Variants in MTFR1 observed in about 807,000 individuals in gnomAD.
MTFR1 encodes the protein chondrocyte protein with a poly-proline region.
In MTFR1, 28 loss-of-function variants were observed where a neutral mutation model predicts 38.8. The observed-to-expected ratio is 0.72, with a 90% confidence interval of 0.53 to 0.99. The LOEUF (loss-of-function observed/expected upper bound fraction) is 0.99. Ranked by LOEUF, MTFR1 falls within the 50% of genes least tolerant of loss-of-function variation. MTFR1 has a pLI of 0.00. For missense variants in MTFR1, 358 were observed against 395.5 expected, an observed-to-expected ratio of 0.91 and a Z score of 0.81; for synonymous variants, 145 against 137.0, an observed-to-expected ratio of 1.06 and a Z score of -0.41.
At chr8:65,747,615 C>T (rs1208386846) in intron 3 of MTFR1, 1 of 1,417,710 alleles carries the variant, frequency 7.1e-7, no homozygotes, top group Non-Finnish European at 9.8e-7. Context: ...GTAAACTTAT[C>T]AAAAAATTAA....
At position 65,719,541 on chromosome 8, in the gene MTFR1, C is replaced by CT. The variant is rs758110712; in HGVS notation, c.*48+61dup. The CT allele has an allele frequency of 7.2e-6, 9 of 1,250,728 alleles. No individual in the cohort carries two copies. In the African/African-American group the frequency reaches 1.0e-4, roughly 14 times the overall value. The allele number at this position is 1,250,728 out of a possible 1,614,324, so 77.5% of individuals were successfully genotyped here. On this transcript the variant is annotated intron_variant, in intron 3 of 3. Coordinates refer to the MTFR1 transcript ENST00000521247. Reference sequence around the variant, plus strand: ...AGTTATTAACATATATGCTGAAACTCTATCTTTAAAACATCATCTATACAA... The same window carrying CT: ...AGTTATTAACATATATGCTGAAACTCTTATCTTTAAAACATCATCTATACAA...
chr8:65,682,832 T>C lies in MTFR1; in HGVS notation c.165+381T>C, dbSNP rs1338123853. 1.7e-5 allele frequency: 17 copies of C among 985,136 alleles called. No homozygotes were observed. In the South Asian group the frequency reaches 7.5e-4, roughly 44 times the overall value. The allele number at this position is 985,136 out of a possible 1,614,324, so 61.0% of individuals were successfully genotyped here. On this transcript the variant is annotated intron_variant, in intron 3 of 7. Transcript: ENST00000262146. ...TTGGATAGCCACTCTGTTCCCCTGC[T>C]TTATTTTTAGATCTCTGTGGATGCC...
intron 1 of MTFR1, among the ~76,000 whole-genome samples, chr8:65,663,722 A>G (rs185604262): frequency 1.1e-4 from 16 of 150,298 alleles, no homozygotes; most frequent in Non-Finnish European, 1.6e-4. Flanking sequence ...AATTGGTCCA[A>G]TTACCTTGGG....
intron 4 of MTFR1, among the ~76,000 whole-genome samples, chr8:65,696,618 C>T (rs2129056965): frequency 6.6e-6 from 1 of 152,232 alleles, no homozygotes; most frequent in South Asian, 2.1e-4. Flanking sequence ...ACTATTTTAT[C>T]ATTTAAAGAA....
intron 3 of MTFR1, chr8:65,724,752 A>G: frequency 6.3e-7 from 1 of 1,575,494 alleles, no homozygotes; most frequent in South Asian, 1.2e-5. Flanking sequence ...TCCTAGAAAT[A>G]GAATGTTTCC....
chr8:65,730,295 C>T (rs1806823422), intron 3 of MTFR1, among the ~76,000 whole-genome samples: 1 of 146,198 alleles, frequency 6.8e-6, no homozygotes, highest in Admixed American at 7.2e-5. Flanking sequence ...ATTCTTCTGC[C>T]TCAGCCTCCC....
At chr8:65,656,435 G>A (rs1809272371) in intron 1 of MTFR1, among the ~76,000 whole-genome samples, 1 of 151,650 alleles carries the variant, frequency 6.6e-6, no homozygotes, top group Non-Finnish European at 1.5e-5. Context: ...CTGAGTTCAA[G>A]AGATCTTTAT....
intron 3 of MTFR1, chr8:65,689,733 C>T (rs1805215461): frequency 2.6e-6 from 1 of 378,440 alleles, no homozygotes; most frequent in African/African-American, 2.2e-5. Context: ...GTGCATTGTC[C>T]TGGAAATTGT....
rs897803333 is a variant in MTFR1 at position 65,704,987 on chromosome 8, T to C, written c.517+58T>C. The C allele has an allele frequency of 2.1e-6, 3 of 1,396,170 alleles. No individual in the cohort carries two copies. In the African/African-American group the frequency reaches 4.3e-5, roughly 20 times the overall value. 86.5% of individuals were successfully genotyped at this position (1,396,170 alleles called of 1,614,324 possible). A position where few individuals can be genotyped will look rare whatever the true frequency, so the allele number is the denominator to read the frequency against. ...TGCAAACTAGAAGTTAGGAGAATGC[T>C]ACTTACTTTAAAATCAATTAGTAAC... is the stretch of plus-strand genomic sequence containing the variant. On this transcript the variant is annotated intron_variant, in intron 5 of 7. Transcript: ENST00000262146.
intron 3 of MTFR1, among the ~76,000 whole-genome samples, chr8:65,752,575 A>T (rs563995400): frequency 6.6e-5 from 10 of 152,142 alleles, no homozygotes; most frequent in Non-Finnish European, 1.2e-4. Context: ...GGCCGCCCAC[A>T]GAATTCTTTC....
Position 65,671,876 on chromosome 8 carries a change from GTAAAGCATCTAGCAC to G in MTFR1, c.66+1859_66+1873del. 3.3e-5 allele frequency among the ~76,000 whole-genome samples: 5 copies of G among 152,328 alleles called. 1 individual carries two copies. Among genetic ancestry groups the G allele is most frequent in the Admixed American group, 3.3e-4 (5 of 15,304 alleles). On this transcript the variant is annotated intron_variant, in intron 2 of 7. Transcript: ENST00000262146. ...ACCTGTGGATTAAATGACAGAGTAT[GTAAAGCATCTAGCAC>G]AGTGGCTTGTACAGTGTAGATACAT...
chr8:65,758,403 G>A (rs902472946), intron 3 of MTFR1, among the ~76,000 whole-genome samples: 3 of 152,094 alleles, frequency 2.0e-5, no homozygotes, highest in African/African-American at 4.8e-5. Context: ...GTGATTTGGG[G>A]AAGAAAGAAA....
intron 3 of MTFR1, among the ~76,000 whole-genome samples, chr8:65,688,346 G>A (rs1349562930): frequency 1.3e-5 from 2 of 150,696 alleles, no homozygotes; most frequent in African/African-American, 2.4e-5. Flanking sequence ...GTTGCAGTGA[G>A]CCGAGATCAC....
At chr8:65,678,100 G>T (rs1306720537) in intron 2 of MTFR1, among the ~76,000 whole-genome samples, 3 of 150,868 alleles carry the variant, frequency 2.0e-5, no homozygotes, top group African/African-American at 7.3e-5. Flanking sequence ...AAATATTAAT[G>T]ACAGTTTGTC....
chr8:65,727,284 A>G, intron 3 of MTFR1: 4 of 1,612,582 alleles, frequency 2.5e-6, no homozygotes, highest in Non-Finnish European at 3.4e-6. Flanking sequence ...TATCCCAAGG[A>G]GTTACAGAAT....
downstream of MTFR1, among the ~76,000 whole-genome samples, chr8:65,772,319 G>C (rs1809122471): frequency 6.6e-6 from 1 of 152,144 alleles, no homozygotes; most frequent in Admixed American, 6.5e-5. Context: ...TGTATCATTA[G>C]GGAAAATAGT....
At chr8:65,752,202 AT>A (rs1411670608) in intron 3 of MTFR1, among the ~76,000 whole-genome samples, 1 of 151,910 alleles carries the variant, frequency 6.6e-6, no homozygotes, top group Non-Finnish European at 1.5e-5. Context: ...ACCAGAGCAT[AT>A]TTTTTTCCTT....
At chr8:65,674,905 A>C (rs1309551946) in intron 2 of MTFR1, among the ~76,000 whole-genome samples, 1 of 152,180 alleles carries the variant, frequency 6.6e-6, no homozygotes, top group East Asian at 1.9e-4. Context: ...TAGAACTATA[A>C]TGTGAACCCA....
chr8:65,660,082 G>C (rs1809369429), intron 1 of MTFR1, among the ~76,000 whole-genome samples: 1 of 152,076 alleles, frequency 6.6e-6, no homozygotes, highest in Admixed American at 6.6e-5. Context: ...CTGAGGTCGG[G>C]AATTCAAGAC....
Sources: gnomAD v4.1 joint callset for allele counts (sites outside exome capture counted in the v4.1 genomes callset) on GRCh38, gnomAD v4.1.1 for gene constraint, MANE v1.5 for transcripts, NCBI Gene and HGNC (gene_info 2026-07-23, HGNC 2026-07-21) for gene names.